Variants in RPSA observed in about 807,000 individuals in gnomAD.
RPSA encodes the protein ribosomal protein SA, also known as small ribosomal subunit protein uS2.
For synonymous variants in RPSA, 103 were observed against 126.7 expected (o/e 0.81, Z 1.25); for missense variants, 140 against 372.8 (o/e 0.38, Z 5.14).
intron 3 of RPSA, chr3:39,410,357 G>A (rs193004165): frequency 2.6e-5 from 6 of 233,714 alleles, no homozygotes; most frequent in African/African-American, 4.4e-5. Context: ...TTGACAGGAC[G>A]GGTTCCCATG....
chr3:39,412,425 A>C lies in RPSA; in HGVS notation c.*57A>C, dbSNP rs1328084762. 1 of 946,946 alleles carries C rather than the reference A, an allele frequency of 1.1e-6. No individual in the cohort carries two copies. Among genetic ancestry groups the C allele is most frequent in the Admixed American group, 2.2e-5 (1 of 44,734 alleles). 58.7% of individuals were successfully genotyped at this position (946,946 alleles called of 1,614,324 possible). On this transcript the variant is annotated 3_prime_UTR_variant, in exon 7 of 7. Coordinates refer to ENST00000301821, the MANE Select transcript of RPSA (RefSeq NM_002295.6). ...GAAAAATGGTTGATGGAAAATAAAC[A>C]TCAGTTTCTAAAAGTTGTCTTCATT...
intron 3 of RPSA, chr3:39,410,390 C>G: frequency 7.0e-6 from 2 of 287,328 alleles, no homozygotes; most frequent in Non-Finnish European, 1.4e-5. Flanking sequence ...GAGGGTTATT[C>G]CTGAAACTGA....
At chr3:39,406,951 C>A (rs1281602734) in intron 1 of RPSA, 187 bp downstream of exon 1, 2 of 452,534 alleles carry the variant, frequency 4.4e-6, no homozygotes, top group Non-Finnish European at 8.9e-6. Context: ...TCCCAGAGTG[C>A]CCCGGGAGCG....
chr3:39,408,664 A>G lies in RPSA; in HGVS notation c.192A>G (p.Ala64=). The G allele has an allele frequency of 6.2e-7, 1 of 1,613,838 alleles. No homozygotes were observed. The highest frequency in any genetic ancestry group is 8.5e-7 in the Non-Finnish European group (1 of 1,179,710). Residue 64 remains alanine, a synonymous_variant, in exon 3 of 7, where the codon GCA becomes GCG. Transcript: ENST00000301821. ...TWEKLLLAAR[A]IVAIENPADV... ...AGAAGCTTCTGCTGGCAGCTCGTGC[A>G]ATTGTTGCCATTGAAAACCCTGCTG...
In RPSA at chr3:39,411,632, TCTG is replaced by T. The variant is rs1248013866; in HGVS notation, c.499-15_499-13del. ...TTGACCAAGTGTCACTTTTTAATAA[TCTG>T]CCACTCTTGGCAGGGAGCTCACTCA... On this transcript the variant is annotated splice_polypyrimidine_tract_variant and intron_variant, in intron 4 of 6. Transcript: ENST00000301821. 90 of 1,609,770 alleles carry T rather than the reference TCTG, an allele frequency of 5.6e-5. No homozygotes were observed. Among genetic ancestry groups the T allele is most frequent in the Non-Finnish European group, 7.5e-5 (88 of 1,179,972 alleles).
chr3:39,410,583 A>G, intron 3 of RPSA, 171 bp from the exon 4 acceptor site: 2 of 716,346 alleles, frequency 2.8e-6, no homozygotes, highest in Non-Finnish European at 4.8e-6. Context: ...GTCTTTTTTA[A>G]TGTATGCAGG....
rs1377537365 is a variant in RPSA at position 39,412,064 on chromosome 3, A to G, written c.793+3A>G. ...GCCTATTCAGCAATTCCCTACTGGT[A>G]TGTATCAGGATAGAGGTGAATCAAG... On this transcript the variant is annotated splice_donor_region_variant and intron_variant, in intron 6 of 6. Coordinates refer to ENST00000301821, the MANE Select transcript of RPSA (RefSeq NM_002295.6). 2 of 1,611,002 alleles carry G rather than the reference A, an allele frequency of 1.2e-6. No individual in the cohort carries two copies. Among genetic ancestry groups the G allele is most frequent in the Admixed American group, 1.7e-5 (1 of 60,022 alleles).
chr3:39,411,418 G>C (rs958789632), intron 4 of RPSA: 2 of 578,624 alleles, frequency 3.5e-6, no homozygotes, highest in Non-Finnish European at 6.1e-6. Flanking sequence ...CATAAGAATT[G>C]CCCAGATATT....
intron 3 of RPSA, 109 bp from the exon 4 acceptor site, chr3:39,410,645 T>A: frequency 8.0e-7 from 1 of 1,249,226 alleles, no homozygotes; most frequent in Non-Finnish European, 1.2e-6. Context: ...TGTGCCTGCT[T>A]TACATGGAGT....
chr3:39,410,575 CTT>C (rs2041991844), intron 3 of RPSA, 177 bp from the exon 4 acceptor site: 4 of 689,658 alleles, frequency 5.8e-6, no homozygotes, highest in Middle Eastern at 2.7e-4. Flanking sequence ...ACAAGCCTGT[CTT>C]TTTTAATGTA....
intron 3 of RPSA, 123 bp downstream of exon 3, chr3:39,408,847 C>G (rs976750269): frequency 2.8e-6 from 2 of 711,430 alleles, no homozygotes; most frequent in African/African-American, 3.5e-5. Context: ...GCCTGTAATC[C>G]CAGCACTTTG....
rs765194437 is a variant in RPSA, at chr3:39,411,780, A to G, written c.627+3A>G. On this transcript the variant is annotated splice_donor_region_variant and intron_variant, in intron 5 of 6. Transcript: ENST00000301821. The stretch of plus-strand genomic sequence containing the variant: ...ACTTCTACAGAGATCCTGAAGAGGT[A>G]AGCTTCTCCAAAGGCTTGTGGTTAC... 6 of 1,599,794 alleles carry G rather than the reference A, an allele frequency of 3.8e-6. No homozygotes were observed. Among genetic ancestry groups the G allele is most frequent in the South Asian group, 2.2e-5 (2 of 91,090 alleles).
rs2042019591 is a variant in RPSA, at chr3:39,412,539, TA to T, written c.*174del. 5 of 596,090 alleles carry T rather than the reference TA, an allele frequency of 8.4e-6. No individual in the cohort carries two copies. The highest frequency in any genetic ancestry group is 1.5e-5 in the Non-Finnish European group (5 of 336,394). 36.9% of individuals were successfully genotyped at this position (596,090 alleles called of 1,614,324 possible). ...CATGTCTCGACATGAGTTGTACTTC[TA>T]AAGCCCACTGTAGATAGTGTATATT... On this transcript the variant is annotated 3_prime_UTR_variant, in exon 7 of 7. Coordinates refer to ENST00000301821, the MANE Select transcript of RPSA (RefSeq NM_002295.6).
At chr3:39,409,723 T>A (rs1000971865) in intron 3 of RPSA, among the ~76,000 whole-genome samples, 1 of 152,144 alleles carries the variant, frequency 6.6e-6, no homozygotes, top group African/African-American at 2.4e-5. Flanking sequence ...TAGTTCCCGT[T>A]AATTGGGAGT....
At chr3:39,407,981 A>G (rs542098192) in intron 2 of RPSA, 195 bp downstream of exon 2, 1 of 552,376 alleles carries the variant, frequency 1.8e-6, no homozygotes. Context: ...GGAATATGTC[A>G]GTTGTCTGAG....
In RPSA at chr3:39,411,096, C is replaced by T. The variant is rs757834737; in HGVS notation, c.498+97C>T. 1.2e-5 allele frequency: 17 copies of T among 1,462,374 alleles called. No homozygotes were observed. The East Asian group carries it at 2.3e-4, about 19-fold the overall frequency. 90.6% of individuals were successfully genotyped at this position (1,462,374 alleles called of 1,614,324 possible). The stretch of plus-strand genomic sequence containing the variant: ...CTTGGAGTTGAGGCTACTGACTGGC[C>T]GATGAACTCGCAAGTGTAGGTAGTG... On this transcript the variant is annotated intron_variant, in intron 4 of 6. Transcript: ENST00000301821.
In RPSA at chr3:39,409,271, G is replaced by A. The variant is rs548718788; in HGVS notation, c.252+547G>A. On this transcript the variant is annotated intron_variant, in intron 3 of 6. Coordinates refer to ENST00000301821, the MANE Select transcript of RPSA (RefSeq NM_002295.6). Reference sequence around the variant, plus strand: ...TCCTGGACTGCAGTGGTGTGATATCGGCTCATTGCAGCCTTTGCCTCCTAA... The same window carrying A: ...TCCTGGACTGCAGTGGTGTGATATCAGCTCATTGCAGCCTTTGCCTCCTAA... Among the ~76,000 whole-genome samples the A allele has an allele frequency of 9.3e-5, 13 of 139,196 alleles. No individual in the cohort carries two copies. The South Asian group carries it at 2.9e-3, about 31-fold the overall frequency. 91.3% of individuals were successfully genotyped at this position (139,196 alleles called of 152,430 possible).
chr3:39,411,504 C>CT (rs1288290362), intron 4 of RPSA, 145 bp from the exon 5 acceptor site: 1 of 822,380 alleles, frequency 1.2e-6, no homozygotes, highest in Non-Finnish European at 1.9e-6. Flanking sequence ...TTGAAAATCC[C>CT]TATTTATAAT....
intron 1 of RPSA, 156 bp downstream of exon 1, chr3:39,406,920 G>A: frequency 2.2e-6 from 1 of 454,834 alleles, no homozygotes; most frequent in Non-Finnish European, 4.4e-6. Context: ...CCCGCACGTG[G>A]CCAGGCTCGG....
Sources: gnomAD v4.1 joint callset for allele counts (sites outside exome capture counted in the v4.1 genomes callset) on GRCh38, gnomAD v4.1.1 for gene constraint, MANE v1.5 for transcripts, NCBI Gene and HGNC (gene_info 2026-07-23, HGNC 2026-07-21) for gene names.